Variants in DNASE1 observed in about 807,000 individuals in gnomAD.
DNASE1 encodes deoxyribonuclease-1.
DNASE1 carries 40 observed loss-of-function variants against 33.9 expected under a neutral mutation model. That is an observed-to-expected ratio of 1.18 (90% confidence interval 0.92 to 1.54). The LOEUF (loss-of-function observed/expected upper bound fraction) is 1.54. Ranked by LOEUF, DNASE1 falls within the 40% of genes most tolerant of loss-of-function variation. The probability of loss-of-function intolerance (pLI) is 0.00; values close to 1 mark genes in which losing one functional copy is unlikely to be tolerated. For missense variants in DNASE1, 518 were observed against 372.6 expected, an observed-to-expected ratio of 1.39 and a Z score of -3.21; for synonymous variants, 216 against 160.0, an observed-to-expected ratio of 1.35 and a Z score of -2.64.
upstream of DNASE1, chr16:3,651,502 G>A (rs2042335380): frequency 6.6e-6 from 1 of 152,250 alleles, no homozygotes; most frequent in Non-Finnish European, 1.5e-5. Flanking sequence ...TATCTCCAGA[G>A]TGGGGCCCAG....
chr16:3,663,169 TA>T lies in DNASE1; in HGVS notation c.*5223del, dbSNP rs1323450090. 9 of 660,332 alleles carry T rather than the reference TA, an allele frequency of 1.4e-5. No individual in the cohort carries two copies. In the South Asian group the frequency reaches 1.4e-4, roughly 10 times the overall value. 40.9% of individuals were successfully genotyped at this position (660,332 alleles called of 1,614,324 possible). A position where few individuals can be genotyped will look rare whatever the true frequency, so the allele number is the denominator to read the frequency against. On this transcript the variant is annotated 3_prime_UTR_variant, in exon 10 of 10. Transcript: ENST00000407479. The stretch of plus-strand genomic sequence containing the variant: ...GGCCCATACAACTTGGTTAGGGCTT[TA>T]AAAAAATACACAGCCTCTCAAGAAG...
At chr16:3,661,830 T>TGGGTGCAGCCTAAACTG (rs1430286364), downstream of DNASE1, 1 of 947,002 alleles carries the variant, frequency 1.1e-6, no homozygotes, top group African/African-American at 1.7e-5. Context: ...CCATTTCACA[T>TGGGTGCAGCCTAAACTG]GGGTGCAGCC....
At position 3,657,060 on chromosome 16, in the gene DNASE1, C is replaced by T. The variant is rs201942334; in HGVS notation, c.498C>T (p.Ile166=). Residue 166 remains isoleucine, a synonymous_variant, in exon 6 of 9, where the codon ATC becomes ATT. Transcript: ENST00000246949. ...CCCCGGGGGACGCAGTAGCCGAGATCGACGCTCTCTATGACGTCTACCTGG... is the reference window on the plus strand; with the variant it reads ...CCCCGGGGGACGCAGTAGCCGAGATTGACGCTCTCTATGACGTCTACCTGG... ...HAAPGDAVAE[I]DALYDVYLDV... is the part of the protein sequence containing the mutation. 34 of 1,613,866 alleles carry T rather than the reference C, an allele frequency of 2.1e-5. No homozygotes were observed. The South Asian group carries it at 2.2e-4, about 10-fold the overall frequency.
upstream of DNASE1, among the ~76,000 whole-genome samples, chr16:3,650,121 GATAT>G (rs1467622468): frequency 2.0e-5 from 3 of 151,964 alleles, no homozygotes; most frequent in Non-Finnish European, 4.4e-5. Context: ...TTAATTCATG[GATAT>G]TTACTATATG....
At chr16:3,615,590 A>G (rs938710767) in intron 1 of DNASE1, among the ~76,000 whole-genome samples, 6 of 152,232 alleles carry the variant, frequency 3.9e-5, no homozygotes, top group African/African-American at 1.4e-4. Flanking sequence ...AGAAGATGTC[A>G]GATACTAAAA....
intron 1 of DNASE1, among the ~76,000 whole-genome samples, chr16:3,619,542 T>C (rs1279154667): frequency 6.7e-6 from 1 of 149,652 alleles, no homozygotes; most frequent in East Asian, 2.0e-4. Context: ...TTTGTATTTT[T>C]AGTAGAGACA....
At chr16:3,612,655 C>T (rs537816105) in intron 1 of DNASE1, among the ~76,000 whole-genome samples, 4 of 151,442 alleles carry the variant, frequency 2.6e-5, no homozygotes, top group South Asian at 4.2e-4. Flanking sequence ...GAGATCCTCC[C>T]GCCTCGGCCT....
In DNASE1 at chr16:3,656,168, CT is replaced by C; in HGVS notation, c.304del (p.Tyr102ThrfsTer62). ...PLGRNSYKER[Y>X]LFVYRPDQVS... ...TGGGACGGAACAGCTATAAGGAGCG[CT>C]ACCTGTTCGTGTACAGGTGGGTGGT... On this transcript the variant is annotated frameshift_variant, in exon 4 of 9. Transcript: ENST00000246949. LOFTEE classifies it high-confidence loss of function. 1 of 1,614,006 alleles carries C rather than the reference CT, an allele frequency of 6.2e-7. No homozygotes were observed. The highest frequency in any genetic ancestry group is 8.5e-7 in the Non-Finnish European group (1 of 1,179,940).
intron 1 of DNASE1, among the ~76,000 whole-genome samples, chr16:3,614,960 C>G (rs1211397065): frequency 1.3e-5 from 2 of 152,080 alleles, no homozygotes; most frequent in African/African-American, 2.4e-5. Flanking sequence ...TCCCCCAACC[C>G]CAAATCTGGC....
chr16:3,631,486 T>G (rs1312637390), intron 1 of DNASE1, among the ~76,000 whole-genome samples: 1 of 151,606 alleles, frequency 6.6e-6, no homozygotes, highest in African/African-American at 2.4e-5. Context: ...ATTACAGGTG[T>G]GAGCCACTGT....
At position 3,630,912 on chromosome 16, in the gene DNASE1, C is replaced by T. The variant is rs552194851; in HGVS notation, c.-1358-9803C>T. 8.5e-5 allele frequency among the ~76,000 whole-genome samples: 13 copies of T among 152,114 alleles called. 1 individual carries two copies. The East Asian group carries it at 2.5e-3, about 29-fold the overall frequency. On this transcript the variant is annotated intron_variant and NMD_transcript_variant, in intron 1 of 11. Transcript: ENST00000570769. The stretch of plus-strand genomic sequence containing the variant: ...AATTGGGTAATGTAGTTTTTTTCCA[C>T]GTTGCCAATCTCTGTCTTCTGATTG...
At chr16:3,640,964 C>T (rs1287005005), upstream of DNASE1, 2 of 398,666 alleles carry the variant, frequency 5.0e-6, no homozygotes, top group Non-Finnish European at 8.8e-6. Context: ...CTCCAGTGGA[C>T]TTTGGACAGT....
At chr16:3,622,596 GTTTTTA>G (rs2041361704) in intron 1 of DNASE1, among the ~76,000 whole-genome samples, 1 of 152,090 alleles carries the variant, frequency 6.6e-6, no homozygotes, top group Non-Finnish European at 1.5e-5. Flanking sequence ...GTTTTTACCA[GTTTTTA>G]TCATTTGACT....
chr16:3,642,878 A>G (rs559452170), upstream of DNASE1: 13 of 152,406 alleles, frequency 8.5e-5, no homozygotes, highest in Non-Finnish European at 1.5e-4. Flanking sequence ...CCCCTTTTCA[A>G]TGACTCATTC....
upstream of DNASE1, among the ~76,000 whole-genome samples, chr16:3,639,394 C>T (rs2041967467): frequency 6.6e-6 from 1 of 152,208 alleles, no homozygotes; most frequent in South Asian, 2.1e-4. Context: ...AGTTCAACAG[C>T]ACCCCCACAC....
chr16:3,663,442 A>G lies in DNASE1; in HGVS notation c.*5489A>G, dbSNP rs549753520. The G allele has an allele frequency of 3.1e-6, 5 of 1,613,922 alleles. No homozygotes were observed. In the Admixed American group the frequency reaches 5.0e-5, roughly 16 times the overall value. On this transcript the variant is annotated 3_prime_UTR_variant, in exon 10 of 10. Coordinates refer to the DNASE1 transcript ENST00000407479. ...TGCCGACCTGGGGACCTGTCCTCAA[A>G]CTTCTCCTCCTTGTAGTGATCCACG...
At chr16:3,658,278 T>C (rs2042838833), downstream of DNASE1, 1 of 1,469,190 alleles carries the variant, frequency 6.8e-7, no homozygotes, top group Non-Finnish European at 9.3e-7. Context: ...GGGGCACCTT[T>C]TCATTTTTTT....
downstream of DNASE1, chr16:3,662,243 T>G: frequency 7.4e-7 from 1 of 1,344,582 alleles, no homozygotes; most frequent in Non-Finnish European, 1.0e-6. Flanking sequence ...AGGCGGGGTC[T>G]CAAGGACTCC....
chr16:3,658,727 C>CCTGAAGGCAGGCTGG (rs1485689458), downstream of DNASE1: 87 of 1,498,862 alleles, frequency 5.8e-5, 1 homozygote, highest in East Asian at 2.0e-3. Context: ...GCTGTTCCAC[C>CCTGAAGGCAGGCTGG]CTGAAGGCAG....
Sources: allele counts gnomAD v4.1 joint callset (sites outside exome capture counted in the v4.1 genomes callset), GRCh38; gene constraint gnomAD v4.1.1; transcripts MANE v1.5; gene names NCBI Gene and HGNC (gene_info 2026-07-23, HGNC 2026-07-21).